Variants in TAF1 observed in about 807,000 individuals in gnomAD.
TAF1 encodes transcription initiation factor TFIID subunit 1.
TAF1 carries 2 observed loss-of-function variants against 138.5 expected under a neutral mutation model. The observed-to-expected ratio is 0.01, with a 90% CI of 0.01 to 0.05. The LOEUF is 0.05. Among genes scored for constraint, TAF1 ranks in the 10% least tolerant of loss-of-function variants. The pLI, the probability that TAF1 is intolerant of heterozygous loss-of-function variation, is 1.00. For missense variants in TAF1, 709 were observed against 1,478.0 expected (o/e 0.48, Z 8.53); for synonymous variants, 437 against 503.2 (o/e 0.87, Z 1.76).
At chrX:71,371,617 G>A (rs2033063770) in intron 3 of TAF1, among the ~76,000 whole-genome samples, 1 of 111,859 alleles carries the variant, frequency 8.9e-6, no homozygotes, top group African/African-American at 3.2e-5. Flanking sequence ...TGCATTACTT[G>A]GGATTTGATG....
chrX:71,450,043 A>G (rs1170517273), intron 32 of TAF1, among the ~76,000 whole-genome samples: 1 of 112,270 alleles, frequency 8.9e-6, no homozygotes, highest in African/African-American at 3.2e-5. Context: ...AAGTGCTGGG[A>G]TTACAGGCGT....
chrX:71,443,005 C>G (rs992370226), intron 32 of TAF1, among the ~76,000 whole-genome samples: 1 of 111,554 alleles, frequency 9.0e-6, no homozygotes, highest in Non-Finnish European at 1.9e-5. Context: ...GGCCTCTGTT[C>G]TGTTCCATTG....
intron 13 of TAF1, chrX:71,528,247 A>G: frequency 4.1e-6 from 1 of 242,163 alleles, no homozygotes; most frequent in South Asian, 4.5e-5. Flanking sequence ...CTGTCAGTGT[A>G]TGATTGCCCC....
intron 16 of TAF1, 113 bp downstream of exon 16, chrX:71,388,491 A>AAG (rs2034372988): frequency 2.8e-6 from 3 of 1,057,586 alleles, no homozygotes; most frequent in Non-Finnish European, 3.8e-6. Flanking sequence ...TGGCTGTTGA[A>AAG]AGGAGGTAGC....
intron 25 of TAF1, 74 bp downstream of exon 25, chrX:71,401,813 T>A: frequency 1.0e-6 from 1 of 985,688 alleles, no homozygotes; most frequent in Non-Finnish European, 1.4e-6. Flanking sequence ...CTGGCAGGGG[T>A]AGATGTGATG....
At chrX:71,489,172 TTA>T (rs1348037805) in intron 13 of TAF1, among the ~76,000 whole-genome samples, 1 of 110,717 alleles carries the variant, frequency 9.0e-6, no homozygotes, top group Admixed American at 9.6e-5. Context: ...AACCATTGTT[TTA>T]TATAGTCTGT....
At chrX:71,484,969 GACCCTCAGTCCAACAGTCCACAA>G (rs2039145106) in intron 13 of TAF1, 1 of 111,997 alleles carries the variant, frequency 8.9e-6, no homozygotes, top group African/African-American at 3.2e-5. Context: ...AAGGAACTGA[GACCCTCAGTCCAACAGTCCACAA>G]GGTACTTTAT....
chrX:71,519,981 T>G (rs2039900841), intron 13 of TAF1, among the ~76,000 whole-genome samples: 1 of 98,647 alleles, frequency 1.0e-5, no homozygotes, highest in Non-Finnish European at 2.0e-5. Flanking sequence ...AATTTTTTTG[T>G]TGTTGTATTT....
intron 3 of TAF1, among the ~76,000 whole-genome samples, chrX:71,373,628 A>G (rs1253909349): frequency 8.9e-6 from 1 of 112,100 alleles, no homozygotes; most frequent in African/African-American, 3.2e-5. Context: ...GTGTTTTATA[A>G]GGTACAGCTG....
intron 14 of TAF1, among the ~76,000 whole-genome samples, chrX:71,386,215 C>G (rs1286808393): frequency 9.0e-6 from 1 of 110,793 alleles, no homozygotes; most frequent in Non-Finnish European, 1.9e-5. Context: ...CTTTTTCTGC[C>G]TATATTTCAC....
intron 13 of TAF1, among the ~76,000 whole-genome samples, chrX:71,477,352 G>T (rs2038998469): frequency 9.1e-6 from 1 of 109,968 alleles, no homozygotes; most frequent in Non-Finnish European, 1.9e-5. Context: ...TTGCAATAGT[G>T]CAATCACAGC....
chrX:71,488,347 G>A (rs1234220064), intron 13 of TAF1, among the ~76,000 whole-genome samples: 1 of 105,308 alleles, frequency 9.5e-6, no homozygotes, highest in Non-Finnish European at 1.9e-5. Context: ...GGGTTCAAGC[G>A]ATTCTCCTGC....
intron 13 of TAF1, among the ~76,000 whole-genome samples, chrX:71,510,321 C>T (rs901255662): frequency 1.0e-4 from 11 of 109,093 alleles, no homozygotes; most frequent in Middle Eastern, 9.4e-3. Flanking sequence ...ACCTTGAAAA[C>T]ACTGGAAATT....
chrX:71,507,009 CCAGAATAGATAAATCTGTAGA>C lies in TAF1; in HGVS notation c.1367-21527_1367-21507del, dbSNP rs1331163058. Among the ~76,000 whole-genome samples the C allele has an allele frequency of 6.3e-5, 7 of 111,854 alleles. No homozygotes were observed. The Admixed American group carries it at 6.7e-4, about 11-fold the overall frequency. On this transcript the variant is annotated intron_variant and NMD_transcript_variant, in intron 13 of 14. Transcript: ENST00000373775. Reference sequence around the variant, plus strand: ...GTATGATTCCATTTGCGTTAAATATCCAGAATAGATAAATCTGTAGACAGAACTGCAGATTAGTGGTTTCTA... The same window carrying C: ...GTATGATTCCATTTGCGTTAAATATCCAGAACTGCAGATTAGTGGTTTCTA...
At position 71,393,501 on chromosome X, in the gene TAF1, A is replaced by C. The variant is rs201567721; in HGVS notation, c.3227+25A>C. ...AGTGGGTCGTTTTAGTGCTGCAGAA[A>C]ATCCAAGCTGGAAAGGGGGAGGAGT... is the stretch of plus-strand genomic sequence containing the variant. On this transcript the variant is annotated intron_variant, in intron 21 of 37. Transcript: ENST00000423759. 20 of 1,161,694 alleles carry C rather than the reference A, an allele frequency of 1.7e-5. No individual in the cohort carries two copies. In the East Asian group the frequency reaches 4.8e-4, roughly 28 times the overall value.
intron 25 of TAF1, among the ~76,000 whole-genome samples, chrX:71,403,503 C>G (rs1484701009): frequency 8.9e-6 from 1 of 111,890 alleles, no homozygotes; most frequent in African/African-American, 3.2e-5. Flanking sequence ...TATCAGCAAG[C>G]ACATAATGTC....
chrX:71,496,929 G>T (rs2039408469), intron 13 of TAF1, among the ~76,000 whole-genome samples: 1 of 112,024 alleles, frequency 8.9e-6, no homozygotes, highest in South Asian at 3.7e-4. Flanking sequence ...ATTTAATGGG[G>T]GTTCCTTCAG....
Position 71,367,679 on chromosome X carries a change from T to G in TAF1, c.235+66T>G. 9.8e-6 allele frequency: 11 copies of G among 1,127,917 alleles called. No individual in the cohort carries two copies. In the South Asian group the frequency reaches 1.5e-4, roughly 16 times the overall value. The allele number at this position is 1,127,917 out of a possible 1,213,427, so 93.0% of individuals were successfully genotyped here. A position where few individuals can be genotyped will look rare whatever the true frequency, so the allele number is the denominator to read the frequency against. ...AGCCACCTACTATGTATGTACTTTT[T>G]TGTGTGTGTAAGACGGAGTTTCGCT... On this transcript the variant is annotated intron_variant, in intron 2 of 37. Coordinates refer to ENST00000423759, the MANE Select transcript of TAF1 (RefSeq NM_004606.5).
intron 3 of TAF1, among the ~76,000 whole-genome samples, chrX:71,372,812 C>T (rs888102245): frequency 1.8e-5 from 2 of 111,909 alleles, no homozygotes; most frequent in Non-Finnish European, 3.8e-5. Context: ...CATAAAACAG[C>T]TAGAAATGCC....
Sources: gnomAD v4.1 joint callset for allele counts (sites outside exome capture counted in the v4.1 genomes callset) on GRCh38, gnomAD v4.1.1 for gene constraint, MANE v1.5 for transcripts, NCBI Gene and HGNC (gene_info 2026-07-23, HGNC 2026-07-21) for gene names.